ABAT: variants seen among roughly 807,000 people sequenced by gnomAD.
ABAT encodes the protein 4-aminobutyrate aminotransferase, also known as 4-aminobutyrate aminotransferase, mitochondrial.
A neutral mutation model predicts 64.6 loss-of-function variants in ABAT; 45 were observed. The ratio of observed to expected loss-of-function variants is 0.70; its 90% CI spans 0.55 to 0.89. The LOEUF is 0.89. Ranked by LOEUF, ABAT falls within the 40% of genes least tolerant of loss-of-function variation. The pLI is 0.00. For synonymous variants in ABAT, 297 were observed against 250.5 expected (o/e 1.19, Z -1.75); for missense variants, 633 against 658.4 (o/e 0.96, Z 0.42).
In ABAT at chr16:8,759,794, T is replaced by C. The variant is rs149238351; in HGVS notation, c.366+1988T>C. On this transcript the variant is annotated intron_variant, in intron 6 of 15. Coordinates refer to ENST00000268251, the MANE Select transcript of ABAT (RefSeq NM_020686.6). ...CCTGGGCTCAAGTAATCCTCCTGCC[T>C]CGGTCTCCCAAAGTCCTGGGATTAC... 2.7e-3 allele frequency among the ~76,000 whole-genome samples: 407 copies of C among 152,346 alleles called. 4 individuals carry two copies. The highest frequency in any genetic ancestry group is 9.5e-3 in the African/African-American group (394 of 41,586).
chr16:8,779,686 G>C (rs1391502674), intron 15 of ABAT, 96 bp downstream of exon 15: 8 of 979,622 alleles, frequency 8.2e-6, no homozygotes, highest in South Asian at 5.4e-5. Flanking sequence ...TATTTTGTGT[G>C]GGGGGCAGGT....
chr16:8,733,200 T>C (rs1056600283), intron 1 of ABAT, among the ~76,000 whole-genome samples: 10 of 140,844 alleles, frequency 7.1e-5, no homozygotes, highest in African/African-American at 2.7e-4. Flanking sequence ...ACGGGGCGGC[T>C]GCCGGGTGGA....
intron 1 of ABAT, 24 bp from the exon 2 acceptor site, chr16:8,735,675 G>GTC (rs1387231610): frequency 2.6e-6 from 4 of 1,546,114 alleles, no homozygotes. Context: ...ATGGGCCTAA[G>GTC]TCTGCATTTC....
intron 10 of ABAT, among the ~76,000 whole-genome samples, chr16:8,768,463 C>G (rs895015601): frequency 6.6e-6 from 1 of 152,172 alleles, no homozygotes; most frequent in Non-Finnish European, 1.5e-5. Context: ...TATTCAGTGA[C>G]AGAGCCGGGA....
intron 5 of ABAT, among the ~76,000 whole-genome samples, chr16:8,753,092 CTTTT>C (rs768032745): frequency 7.1e-5 from 9 of 127,566 alleles, no homozygotes; most frequent in Admixed American, 4.8e-4. Context: ...CAAGCTTATT[CTTTT>C]TTTTTTTTTT....
intron 5 of ABAT, among the ~76,000 whole-genome samples, chr16:8,754,797 C>T (rs1383570430): frequency 2.6e-5 from 4 of 151,734 alleles, no homozygotes; most frequent in Non-Finnish European, 5.9e-5. Context: ...CAGCTCACTA[C>T]AACCTCTGCC....
At chr16:8,707,917 C>T (rs567323424) in intron 1 of ABAT, among the ~76,000 whole-genome samples, 45 of 152,140 alleles carry the variant, frequency 3.0e-4, no homozygotes, top group Non-Finnish European at 5.6e-4. Flanking sequence ...CAGAACCAGT[C>T]ATGAAACTCA....
rs373583202 is a variant in ABAT at position 8,766,413 on chromosome 16, G to C, written c.603+143G>C. 11 of 767,050 alleles carry C rather than the reference G, an allele frequency of 1.4e-5. No individual in the cohort carries two copies. In the East Asian group the frequency reaches 1.7e-4, roughly 12 times the overall value. The allele number at this position is 767,050 out of a possible 1,614,324, so 47.5% of individuals were successfully genotyped here. A position where few individuals can be genotyped will look rare whatever the true frequency, so the allele number is the denominator to read the frequency against. ...CTCATGCCTGTAATCCCAGCACTTT[G>C]GGAGGCCAAGGCAGGCGGATCACCC... On this transcript the variant is annotated intron_variant, in intron 9 of 15. Transcript: ENST00000268251.
At chr16:8,767,913 T>C (rs1291666520) in intron 9 of ABAT, among the ~76,000 whole-genome samples, 1 of 151,972 alleles carries the variant, frequency 6.6e-6, no homozygotes, top group Non-Finnish European at 1.5e-5. Flanking sequence ...TGACCTCCGA[T>C]GATCCGCCTG....
At chr16:8,748,614 C>G (rs1395214833) in intron 4 of ABAT, among the ~76,000 whole-genome samples, 1 of 152,104 alleles carries the variant, frequency 6.6e-6, no homozygotes, top group Admixed American at 6.6e-5. Flanking sequence ...TTGTCCTATC[C>G]ATTATGGAGT....
At chr16:8,749,562 C>A (rs943775416) in intron 4 of ABAT, among the ~76,000 whole-genome samples, 5 of 150,978 alleles carry the variant, frequency 3.3e-5, no homozygotes, top group African/African-American at 7.3e-5. Context: ...CTATGCCCGG[C>A]TAATTTTTGT....
At chr16:8,710,191 A>G (rs2058037013) in intron 1 of ABAT, among the ~76,000 whole-genome samples, 2 of 152,210 alleles carry the variant, frequency 1.3e-5, no homozygotes, top group Middle Eastern at 3.2e-3. Flanking sequence ...GTTTCAATCA[A>G]TGAGATAATA....
Position 8,768,179 on chromosome 16 carries a change from T to C in ABAT, c.604-14T>C. 6.2e-7 allele frequency: 1 copy of C among 1,613,428 alleles called. No individual in the cohort carries two copies. The highest frequency in any genetic ancestry group is 8.5e-7 in the Non-Finnish European group (1 of 1,179,466). On this transcript the variant is annotated splice_polypyrimidine_tract_variant and intron_variant, in intron 9 of 15. Transcript: ENST00000268251. Reference sequence around the variant, plus strand: ...TTACAACTATGACTAATGACTGATATTTCTTGGTTTTAGGCCCCTGGCTGC... The same window carrying C: ...TTACAACTATGACTAATGACTGATACTTCTTGGTTTTAGGCCCCTGGCTGC...
chr16:8,773,164 T>A (rs959041170), intron 12 of ABAT, among the ~76,000 whole-genome samples: 80 of 128,596 alleles, frequency 6.2e-4, no homozygotes, highest in East Asian at 4.2e-3. Flanking sequence ...ATATATTTTT[T>A]TTTTTGAGAC....
intron 1 of ABAT, among the ~76,000 whole-genome samples, chr16:8,716,375 C>T (rs1193564271): frequency 1.3e-5 from 2 of 152,028 alleles, no homozygotes; most frequent in African/African-American, 4.8e-5. Flanking sequence ...GAACTTAGAA[C>T]AGGGTTTGGC....
At chr16:8,757,382 G>A in intron 5 of ABAT, 1 of 357,630 alleles carries the variant, frequency 2.8e-6, no homozygotes, top group South Asian at 2.2e-5. Context: ...TGGCCAGGCT[G>A]GTCTGGAACT....
intron 2 of ABAT, among the ~76,000 whole-genome samples, chr16:8,740,415 A>C (rs2142507240): frequency 6.6e-6 from 1 of 152,158 alleles, no homozygotes; most frequent in East Asian, 1.9e-4. Context: ...TGGACGATCT[A>C]CTGGCAGTCC....
intron 11 of ABAT, among the ~76,000 whole-genome samples, chr16:8,771,441 T>A (rs1295957386): frequency 6.6e-6 from 1 of 150,418 alleles, no homozygotes; most frequent in Non-Finnish European, 1.5e-5. Flanking sequence ...TTAGTCTATC[T>A]AGGTGTACGG....
intron 1 of ABAT, among the ~76,000 whole-genome samples, chr16:8,711,155 G>C (rs760399874): frequency 1.6e-4 from 25 of 152,190 alleles, no homozygotes; most frequent in Non-Finnish European, 3.5e-4. Context: ...TTGACAAATT[G>C]CTCTCCAAGC....
Sources: allele counts gnomAD v4.1 joint callset (sites outside exome capture counted in the v4.1 genomes callset), GRCh38; gene constraint gnomAD v4.1.1; transcripts MANE v1.5; gene names NCBI Gene and HGNC (gene_info 2026-07-23, HGNC 2026-07-21).